The following AMZ2 variants were observed in gnomAD, a reference collection of about 807,000 sequenced individuals.
AMZ2 encodes archaelysin family metallopeptidase 2, also known as archaemetzincin-2.
AMZ2 carries 26 observed loss-of-function variants against 36.7 expected under a neutral mutation model. That is an observed-to-expected ratio of 0.71 (90% CI 0.52 to 0.98). The LOEUF is 0.98. AMZ2 is among the 50% of genes least tolerant of loss of function. The probability of loss-of-function intolerance (pLI) is 0.00; values close to 1 mark genes in which losing one functional copy is unlikely to be tolerated. For missense variants in AMZ2, 394 were observed against 430.5 expected (o/e 0.92, Z 0.75); for synonymous variants, 144 against 149.1 (o/e 0.97, Z 0.25).
chr17:68,209,633 T>TATATATA (rs1555725395), intron 1 of AMZ2, among the ~76,000 whole-genome samples: 30 of 78,824 alleles, frequency 3.8e-4, no homozygotes, highest in African/African-American at 1.4e-3. Flanking sequence ...TATATATATA[T>TATATATA]TTTTTTTTTT....
chr17:68,247,803 G>C, upstream of AMZ2: 9 of 985,596 alleles, frequency 9.1e-6, no homozygotes, highest in East Asian at 2.3e-4. Flanking sequence ...GCGAGCGCAA[G>C]CGAGGAATCG....
At chr17:68,241,414 T>C (rs2073897810) in intron 1 of AMZ2, among the ~76,000 whole-genome samples, 1 of 152,156 alleles carries the variant, frequency 6.6e-6, no homozygotes, top group African/African-American at 2.4e-5. Flanking sequence ...AAATTTATGA[T>C]AGAATCACAA....
chr17:68,214,569 T>G (rs1473584283), intron 1 of AMZ2, among the ~76,000 whole-genome samples: 1 of 152,198 alleles, frequency 6.6e-6, no homozygotes, highest in East Asian at 1.9e-4. Flanking sequence ...GGGAGAGAGA[T>G]GGTTTAGGAA....
Position 68,250,948 on chromosome 17 carries a change from C to T in AMZ2, c.438C>T (p.His146=), listed in dbSNP as rs3207194. 6.2e-7 allele frequency: 1 copy of T among 1,612,602 alleles called. No individual in the cohort carries two copies. The highest frequency in any genetic ancestry group is 8.5e-7 in the Non-Finnish European group (1 of 1,179,716). ...CCTTTAGAGTCAATGAGAACACACA[C>T]AACCTACAAATTCATGCAGGTGAAT... ...RCSFRVNENT[H]NLQIHAGDIL... The change falls in exon 3 of 7, where the codon CAC becomes CAT. Residue 146 remains histidine (H), a synonymous_variant. Coordinates refer to ENST00000359904, the MANE Select transcript of AMZ2 (RefSeq NM_016627.5).
At chr17:68,221,231 G>C (rs3889996) in intron 1 of AMZ2, among the ~76,000 whole-genome samples, 2,507 of 54,016 alleles carry the variant, frequency 0.046, 241 homozygotes, top group Non-Finnish European at 0.063. Context: ...CCCCCCGGTA[G>C]CTAGGACCCC....
chr17:68,236,032 G>A (rs1161299964), intron 1 of AMZ2, among the ~76,000 whole-genome samples: 4 of 151,982 alleles, frequency 2.6e-5, no homozygotes, highest in Non-Finnish European at 5.9e-5. Flanking sequence ...GTTTTGTTAC[G>A]TTGGCCAGGC....
At chr17:68,209,632 A>ATATTTTT in intron 1 of AMZ2, among the ~76,000 whole-genome samples, 5 of 90,698 alleles carry the variant, frequency 5.5e-5, no homozygotes, top group African/African-American at 2.0e-4. Context: ...ATATATATAT[A>ATATTTTT]TTTTTTTTTT....
chr17:68,239,270 G>T (rs567919401), intron 1 of AMZ2, among the ~76,000 whole-genome samples: 1 of 152,222 alleles, frequency 6.6e-6, no homozygotes, highest in African/African-American at 2.4e-5. Context: ...CTAGTCCCTG[G>T]ATTGCAGCAT....
upstream of AMZ2, among the ~76,000 whole-genome samples, chr17:68,244,844 C>A (rs558408350): frequency 6.6e-5 from 10 of 152,234 alleles, no homozygotes; most frequent in East Asian, 1.7e-3. Flanking sequence ...TTATTTCATT[C>A]ATGTGTTCAG....
chr17:68,248,933 G>A (rs879949612), intron 1 of AMZ2: 29 of 682,696 alleles, frequency 4.2e-5, no homozygotes, highest in Non-Finnish European at 5.6e-5. Flanking sequence ...TCATTAAACT[G>A]GCAAAATCTA....
chr17:68,256,770 T>G (rs1555742966), intron 6 of AMZ2, 44 bp from the exon 7 acceptor site: 1 of 1,590,872 alleles, frequency 6.3e-7, no homozygotes, highest in South Asian at 1.1e-5. Context: ...CTGATGGTAT[T>G]TTGCTGTGGT....
upstream of AMZ2, among the ~76,000 whole-genome samples, chr17:68,245,991 T>G (rs1264873028): frequency 1.3e-5 from 2 of 151,960 alleles, no homozygotes; most frequent in African/African-American, 4.8e-5. Flanking sequence ...AGGAACTCAT[T>G]TGATCCCTAA....
chr17:68,216,383 C>CTT (rs2073195130), intron 1 of AMZ2, among the ~76,000 whole-genome samples: 1 of 152,152 alleles, frequency 6.6e-6, no homozygotes, highest in African/African-American at 2.4e-5. Flanking sequence ...ATCCTCCCAC[C>CTT]GCAGCCTCCC....
chr17:68,213,152 C>T (rs59921853), intron 1 of AMZ2, among the ~76,000 whole-genome samples: 10,135 of 152,158 alleles, frequency 0.067, 709 homozygotes, highest in African/African-American at 0.18. Context: ...ATACGCCAGC[C>T]GGCTTACCTG....
upstream of AMZ2, chr17:68,247,794 CGA>C (rs1555736307): frequency 1.0e-6 from 1 of 985,456 alleles, no homozygotes; most frequent in African/African-American, 1.7e-5. Context: ...GGAGCCGCCG[CGA>C]GCGCAAGCGA....
At chr17:68,216,409 C>T (rs1462002101) in intron 1 of AMZ2, among the ~76,000 whole-genome samples, 3 of 152,230 alleles carry the variant, frequency 2.0e-5, no homozygotes, top group African/African-American at 7.2e-5. Flanking sequence ...GATAGGATTA[C>T]AGGCCTGGGT....
At chr17:68,245,200 TAAAA>T (rs71355810), upstream of AMZ2, among the ~76,000 whole-genome samples, 5 of 141,676 alleles carry the variant, frequency 3.5e-5, no homozygotes, top group East Asian at 1.0e-3. Flanking sequence ...CCTTCTAATG[TAAAA>T]AAAAAAAAAA....
chr17:68,210,959 G>C (rs1434703634), intron 1 of AMZ2, among the ~76,000 whole-genome samples: 1 of 61,574 alleles, frequency 1.6e-5, no homozygotes, highest in Non-Finnish European at 3.4e-5. Context: ...AAAAAAAAAG[G>C]GGGGGGGGGA....
upstream of AMZ2, among the ~76,000 whole-genome samples, chr17:68,246,157 T>C (rs2073998858): frequency 7.4e-6 from 1 of 135,070 alleles, no homozygotes; most frequent in South Asian, 2.3e-4. Flanking sequence ...AATACAAAAA[T>C]TGGCTAACAT....
Sources: allele counts gnomAD v4.1 joint callset (sites outside exome capture counted in the v4.1 genomes callset), GRCh38; gene constraint gnomAD v4.1.1; transcripts MANE v1.5; gene names NCBI Gene and HGNC (gene_info 2026-07-23, HGNC 2026-07-21).